KASH5: variants seen among roughly 807,000 people sequenced by gnomAD.
The protein encoded by KASH5 is KASH domain containing 5, also known as protein KASH5.
A neutral mutation model predicts 84.2 loss-of-function variants in KASH5; 72 were observed. That is an observed-to-expected ratio of 0.85 (90% CI 0.71 to 1.04). The LOEUF (loss-of-function observed/expected upper bound fraction) is 1.04. KASH5 is among the 50% of genes least tolerant of loss of function. The probability of loss-of-function intolerance (pLI) is 0.00; values close to 1 mark genes in which losing one functional copy is unlikely to be tolerated. For synonymous variants in KASH5, 260 were observed against 279.1 expected, an observed-to-expected ratio of 0.93 and a Z score of 0.68; for missense variants, 650 against 701.0, an observed-to-expected ratio of 0.93 and a Z score of 0.82.
rs1411700421 is a variant in KASH5 at position 49,390,826 on chromosome 19, C to T, written c.-58C>T. The T allele has an allele frequency of 6.5e-7, 1 of 1,542,198 alleles. No individual in the cohort carries two copies. Among genetic ancestry groups the T allele is most frequent in the Non-Finnish European group, 8.8e-7 (1 of 1,142,118 alleles). Reference sequence around the variant, plus strand: ...CAGCTGGTCCTTTTCCCATCCCTCCCCATGAAGGAGGGAGGCTGGTAGCTT... The same window carrying T: ...CAGCTGGTCCTTTTCCCATCCCTCCTCATGAAGGAGGGAGGCTGGTAGCTT... On this transcript the variant is annotated 5_prime_UTR_variant, in exon 2 of 20. Coordinates refer to ENST00000447857, the MANE Select transcript of KASH5 (RefSeq NM_144688.5).
chr19:49,396,684 T>C lies in KASH5; in HGVS notation c.400+851T>C, dbSNP rs367977972. ...CACCTGCAGAGGAAATCTGATTATC[T>C]AGTTAGCCACTGGCACCTGGGTTTA... On this transcript the variant is annotated intron_variant, in intron 5 of 19. Coordinates refer to ENST00000447857, the MANE Select transcript of KASH5 (RefSeq NM_144688.5). Among the ~76,000 whole-genome samples, 9 of 152,278 alleles carry C rather than the reference T, an allele frequency of 5.9e-5. No individual in the cohort carries two copies. The East Asian group carries it at 1.5e-3, about 26-fold the overall frequency.
chr19:49,407,067 C>T, intron 10 of KASH5, 104 bp downstream of exon 10: 1 of 1,326,636 alleles, frequency 7.5e-7, no homozygotes, highest in Non-Finnish European at 1.1e-6. Context: ...GGTCTTCCAT[C>T]AAGCTGTCAG....
intron 9 of KASH5, among the ~76,000 whole-genome samples, chr19:49,400,835 A>G (rs1000535050): frequency 1.3e-5 from 2 of 152,172 alleles, no homozygotes; most frequent in Non-Finnish European, 2.9e-5. Context: ...TCCATCCAAG[A>G]CAGAAAAACA....
intron 9 of KASH5, 117 bp from the exon 10 acceptor site, chr19:49,406,769 A>G (rs1231450783): frequency 1.3e-5 from 11 of 878,488 alleles, no homozygotes; most frequent in South Asian, 9.1e-5. Context: ...GTTAAAACAT[A>G]TGAAGTGCTT....
rs1329624012 is a variant in KASH5 at position 49,399,484 on chromosome 19, G to A, written c.775G>A (p.Glu259Lys). 1 of 1,611,322 alleles carries A rather than the reference G, an allele frequency of 6.2e-7. No individual in the cohort carries two copies. Residue 259 changes from glutamate to lysine, a missense_variant, in exon 9 of 20, where the codon GAG becomes AAG. By Grantham distance (56) the Glu-to-Lys change is moderately conservative (BLOSUM62 1). Coordinates refer to ENST00000447857, the MANE Select transcript of KASH5 (RefSeq NM_144688.5). The surrounding 1 kb of genome is among the most constrained non-coding windows in gnomAD (Gnocchi z 4.4). ...AAAGGAGCAGCAGCATCTGGTGGCTGAGATGGAGACTCTGCAGGAGGAGGT... is the reference window on the plus strand; with the variant it reads ...AAAGGAGCAGCAGCATCTGGTGGCTAAGATGGAGACTCTGCAGGAGGAGGT... ...AEKEQQHLVA[E>K]METLQEENGK...
chr19:49,396,270 T>G (rs1185271250), intron 5 of KASH5, among the ~76,000 whole-genome samples: 1 of 89,490 alleles, frequency 1.1e-5, no homozygotes, highest in Non-Finnish European at 2.3e-5. Flanking sequence ...TTTTTTTTTT[T>G]GAGATAAGAG....
At chr19:49,409,627 C>T (rs1974647593) in intron 14 of KASH5, 126 bp from the exon 15 acceptor site, 1 of 1,236,450 alleles carries the variant, frequency 8.1e-7, no homozygotes, top group Admixed American at 2.0e-5. Flanking sequence ...CAACCCCAGC[C>T]CCACACCAGC....
At chr19:49,408,945 C>T in intron 12 of KASH5, 22 bp from the exon 13 acceptor site, 1 of 1,564,768 alleles carries the variant, frequency 6.4e-7, no homozygotes, top group African/African-American at 1.4e-5. Context: ...GCCAAATGTG[C>T]TCCCCACTTC....
intron 16 of KASH5, 124 bp downstream of exon 16, chr19:49,413,150 C>A: frequency 3.1e-6 from 3 of 966,068 alleles, no homozygotes; most frequent in African/African-American, 1.6e-5. Context: ...TCATGTCTTC[C>A]GGGAGCAGAA....
intron 17 of KASH5, chr19:49,415,292 G>T (rs976036033): frequency 2.0e-6 from 1 of 495,372 alleles, no homozygotes; most frequent in African/African-American, 2.0e-5. Flanking sequence ...CTACACCCCC[G>T]GATTGCATAA....
intron 16 of KASH5, 79 bp downstream of exon 16, chr19:49,413,105 C>T (rs1281092792): frequency 4.3e-6 from 6 of 1,381,514 alleles, no homozygotes; most frequent in East Asian, 4.6e-5. Flanking sequence ...TGGATGTGCC[C>T]TGAGGGGATC....
At position 49,416,864 on chromosome 19, in the gene KASH5, G is replaced by C. The variant is rs1974921133; in HGVS notation, c.1375-151G>C. 1 of 745,658 alleles carries C rather than the reference G, an allele frequency of 1.3e-6. No individual in the cohort carries two copies. The highest frequency in any genetic ancestry group is 2.7e-5 in the East Asian group (1 of 36,960). The allele number at this position is 745,658 out of a possible 1,614,324, so 46.2% of individuals were successfully genotyped here. A position where few individuals can be genotyped will look rare whatever the true frequency, so the allele number is the denominator to read the frequency against. ...AAGGACCCTCAGCCAGAAGCTGGCA[G>C]AAATGGGAACCCGACCTGGCAGCAG... On this transcript the variant is annotated intron_variant, in intron 17 of 19. Coordinates refer to ENST00000447857, the MANE Select transcript of KASH5 (RefSeq NM_144688.5). The surrounding 1 kb of genome is among the most constrained non-coding windows in gnomAD (Gnocchi z 5.4).
rs969846390 is a variant in KASH5, at chr19:49,414,776, C to T, written c.1329-175C>T. ...CTGCCTGGCCTCCCCCAGGCCCGTCCGTGCTGCCTGGCCTCCCCCAGGCCC... is the reference window on the plus strand; with the variant it reads ...CTGCCTGGCCTCCCCCAGGCCCGTCTGTGCTGCCTGGCCTCCCCCAGGCCC... On this transcript the variant is annotated intron_variant, in intron 16 of 19. Coordinates refer to ENST00000447857, the MANE Select transcript of KASH5 (RefSeq NM_144688.5). This position sits in a 1 kb window ranked among gnomAD's most constrained non-coding sequence, Gnocchi z 4.5. Among the ~76,000 whole-genome samples the T allele has an allele frequency of 2.9e-5, 4 of 139,968 alleles. No individual in the cohort carries two copies. The highest frequency in any genetic ancestry group is 8.3e-5 in the African/African-American group (3 of 36,234). The allele number at this position is 139,968 out of a possible 152,430, so 91.8% of individuals were successfully genotyped here. A position where few individuals can be genotyped will look rare whatever the true frequency, so the allele number is the denominator to read the frequency against.
intron 2 of KASH5, among the ~76,000 whole-genome samples, chr19:49,392,027 C>A (rs897436079): frequency 5.9e-5 from 9 of 152,200 alleles, no homozygotes; most frequent in Admixed American, 1.3e-4. Context: ...AGAGGACAGG[C>A]TGTCTAGTGA....
chr19:49,394,335 C>G (rs926588011), intron 2 of KASH5, 141 bp from the exon 3 acceptor site: 3 of 621,000 alleles, frequency 4.8e-6, no homozygotes, highest in African/African-American at 3.6e-5. Flanking sequence ...AAGCTTCCTG[C>G]TGTTCCCCAC....
chr19:49,409,525 C>T (rs1216486836), intron 14 of KASH5, among the ~76,000 whole-genome samples: 2 of 152,178 alleles, frequency 1.3e-5, no homozygotes, highest in East Asian at 1.9e-4. Flanking sequence ...TCTCGTCTCC[C>T]TCCATGACCA....
chr19:49,413,132 C>G (rs746204006), intron 16 of KASH5, 106 bp downstream of exon 16: 44 of 1,126,100 alleles, frequency 3.9e-5, no homozygotes, highest in Non-Finnish European at 5.3e-5. Context: ...CATTCATTCA[C>G]TCCTTCTTCA....
chr19:49,400,225 CAA>C (rs34052696), intron 9 of KASH5, among the ~76,000 whole-genome samples: 8 of 81,264 alleles, frequency 9.8e-5, no homozygotes, highest in African/African-American at 2.5e-4. Context: ...GAGAGCCTCT[CAA>C]AAAAAAAAAA....
chr19:49,394,855 G>A (rs900784042), intron 3 of KASH5: 5 of 589,320 alleles, frequency 8.5e-6, no homozygotes, highest in Non-Finnish European at 1.5e-5. Flanking sequence ...GGTGGCGTGG[G>A]GCATGGCTGA....
Sources: gnomAD v4.1 joint callset for allele counts (sites outside exome capture counted in the v4.1 genomes callset) on GRCh38, gnomAD v4.1.1 for gene constraint, Gnocchi (gnomAD v3.1) non-coding constraint, MANE v1.5 for transcripts, NCBI Gene and HGNC (gene_info 2026-07-23, HGNC 2026-07-21) for gene names.